Variants in ADAT1 observed in about 807,000 individuals in gnomAD.
ADAT1 encodes adenosine deaminase tRNA specific 1.
ADAT1 carries 58 observed loss-of-function variants against 58.6 expected under a neutral mutation model. The ratio of observed to expected loss-of-function variants is 0.99; its 90% CI spans 0.80 to 1.23. ADAT1 has a LOEUF of 1.23. Among genes scored for constraint, ADAT1 ranks in the 50% most tolerant of loss-of-function variants. ADAT1 has a pLI of 0.00. For synonymous variants in ADAT1, 254 were observed against 220.8 expected (o/e 1.15, Z -1.33); for missense variants, 741 against 608.6 (o/e 1.22, Z -2.29).
In ADAT1 at chr16:75,618,635, T is replaced by G. The variant is rs1209974401; in HGVS notation, c.244A>C (p.Ile82Leu). 2 of 1,612,730 alleles carry G rather than the reference T, an allele frequency of 1.2e-6. No homozygotes were observed. Among genetic ancestry groups the G allele is most frequent in the African/African-American group, 2.7e-5 (2 of 74,788 alleles). ...ACCTCAGCATGGCTATCATTGAGGA[T>G]GTCTCCTGCGGCAAAGATAGGACAC... ...GQSKMRKNGDILNDSHAEVIA... is the reference protein window; with the variant it reads ...GQSKMRKNGDLLNDSHAEVIA... The change falls in exon 4 of 10, where the codon ATC (isoleucine) becomes CTC (leucine). Residue 82 changes from isoleucine to leucine, a missense_variant. Physicochemically the swap from Ile to Leu is conservative, Grantham distance 5. Coordinates refer to ENST00000564657, the MANE Select transcript of ADAT1 (RefSeq NM_001324445.2).
intron 4 of ADAT1, 150 bp from the exon 5 acceptor site, chr16:75,617,422 T>C: frequency 1.2e-6 from 1 of 835,496 alleles, no homozygotes; most frequent in South Asian, 2.3e-5. Flanking sequence ...CCAGTGATTC[T>C]CAAAGTGTGG....
rs1193052411 is a variant in ADAT1, at chr16:75,600,259, C to A, written c.1466G>T (p.Gly489Val). 6.2e-7 allele frequency: 1 copy of A among 1,614,058 alleles called. No homozygotes were observed. Among genetic ancestry groups the A allele is most frequent in the Non-Finnish European group, 8.5e-7 (1 of 1,180,032 alleles). ...ATCCGGTGGGTTTCTGATCCAGGATCCAAACACCTGCTTCCGGAGTGTGCT... is the reference window on the plus strand; with the variant it reads ...ATCCGGTGGGTTTCTGATCCAGGATACAAACACCTGCTTCCGGAGTGTGCT... Reference protein sequence around the residue: ...AWSTLRKQVFGSWIRNPPDYH... With the variant: ...AWSTLRKQVFVSWIRNPPDYH... Residue 489 changes from glycine (G) to valine (V), a missense_variant, in exon 10 of 10, where the codon GGA becomes GTA. Coordinates refer to ENST00000564657, the MANE Select transcript of ADAT1 (RefSeq NM_001324445.2).
In ADAT1 at chr16:75,612,716, G is replaced by C; in HGVS notation, c.570C>G (p.Asp190Glu). The C allele has an allele frequency of 1.2e-6, 2 of 1,614,110 alleles. No individual in the cohort carries two copies. The highest frequency in any genetic ancestry group is 1.3e-5 in the African/African-American group (1 of 75,012). The change falls in exon 6 of 10, where the codon GAC (aspartate) becomes GAG (glutamate). Residue 190 changes from aspartate to glutamate, a missense_variant. Transcript: ENST00000564657. ...PGNERKCEDPDSPVTKKMRLE... is the reference protein window; with the variant it reads ...PGNERKCEDPESPVTKKMRLE... ...GCCTCATCTTTTTGGTTACAGGACT[G>C]TCAGGGTCTTCACATTTTCTTTCAT...
intron 3 of ADAT1, among the ~76,000 whole-genome samples, chr16:75,619,293 CAGG>C (rs1281394037): frequency 6.6e-6 from 1 of 151,458 alleles, no homozygotes; most frequent in Admixed American, 6.6e-5. Flanking sequence ...GAGGCCAAGG[CAGG>C]AGGATAGCTT....
chr16:75,609,182 T>C (rs1192961242), intron 6 of ADAT1, among the ~76,000 whole-genome samples, 194 bp from the exon 7 acceptor site: 1 of 152,176 alleles, frequency 6.6e-6, no homozygotes, highest in Admixed American at 6.5e-5. Flanking sequence ...TCTCCCTCAA[T>C]CTGCAGGGAT....
intron 7 of ADAT1, 67 bp from the exon 8 acceptor site, chr16:75,608,390 T>G: frequency 7.4e-7 from 1 of 1,355,562 alleles, no homozygotes; most frequent in Non-Finnish European, 1.1e-6. Context: ...AGTATTTTAA[T>G]AAAAATATTT....
chr16:75,602,663 T>C (rs1255067457), intron 9 of ADAT1, among the ~76,000 whole-genome samples: 2 of 152,246 alleles, frequency 1.3e-5, no homozygotes, highest in Admixed American at 6.5e-5. Context: ...CATCTACCTG[T>C]TCCCAAGAGT....
At position 75,599,670 on chromosome 16, in the gene ADAT1, C is replaced by G; in HGVS notation, c.*546G>C. On this transcript the variant is annotated 3_prime_UTR_variant, in exon 10 of 10. Coordinates refer to ENST00000564657, the MANE Select transcript of ADAT1 (RefSeq NM_001324445.2). The stretch of plus-strand genomic sequence containing the variant: ...GATACCTCTGAGAACAAGTCCAGGG[C>G]AGTCCAGGGCTGGCTCACAGGCTAT... The G allele has an allele frequency of 1.0e-6, 1 of 986,398 alleles. No homozygotes were observed. The highest frequency in any genetic ancestry group is 1.2e-6 in the Non-Finnish European group (1 of 830,432). The allele number at this position is 986,398 out of a possible 1,614,324, so 61.1% of individuals were successfully genotyped here.
At chr16:75,617,048 A>G (rs1352262100) in intron 5 of ADAT1, 94 bp downstream of exon 5, 12 of 1,480,156 alleles carry the variant, frequency 8.1e-6, no homozygotes, top group Non-Finnish European at 7.3e-6. Flanking sequence ...TACTTCAGCC[A>G]TTAGTGCTTT....
At position 75,612,283 on chromosome 16, in the gene ADAT1, G is replaced by A; in HGVS notation, c.1003C>T (p.Pro335Ser). Residue 335 changes from proline (P) to serine (S), a missense_variant, in exon 6 of 10, where the codon CCA (proline) becomes TCA (serine). By Grantham distance (74) the Pro-to-Ser change is moderately conservative (BLOSUM62 -1). Coordinates refer to ENST00000564657, the MANE Select transcript of ADAT1 (RefSeq NM_001324445.2). ...YLSAVVIGKC[P>S]YSQEAMQRAL... ...CTCTGCATGGCTTCCTGGCTGTATG[G>A]GCACTTCCCAATGACCACAGCTGAC... 1 of 1,614,086 alleles carries A rather than the reference G, an allele frequency of 6.2e-7. No homozygotes were observed. The highest frequency in any genetic ancestry group is 8.5e-7 in the Non-Finnish European group (1 of 1,180,010).
chr16:75,618,377 G>A (rs909484165), intron 4 of ADAT1, among the ~76,000 whole-genome samples: 3 of 151,720 alleles, frequency 2.0e-5, no homozygotes, highest in Admixed American at 6.6e-5. Context: ...ATGGTGGCAC[G>A]GGCCTGTAGT....
chr16:75,609,502 T>TA (rs927505099), intron 6 of ADAT1, among the ~76,000 whole-genome samples: 33 of 151,132 alleles, frequency 2.2e-4, no homozygotes, highest in Admixed American at 7.9e-4. Flanking sequence ...TTGGCTTTTT[T>TA]AAAAAAAAAC....
At chr16:75,619,606 G>T (rs750619799) in intron 3 of ADAT1, 1 of 455,224 alleles carries the variant, frequency 2.2e-6, no homozygotes, top group Non-Finnish European at 4.4e-6. Context: ...GAGGCCCAAA[G>T]CTTCCTGTCA....
At chr16:75,606,245 G>A (rs1052678713) in intron 8 of ADAT1, among the ~76,000 whole-genome samples, 2 of 152,146 alleles carry the variant, frequency 1.3e-5, no homozygotes, top group African/African-American at 4.8e-5. Flanking sequence ...AATTGCAACA[G>A]TAATAACCAG....
chr16:75,608,726 C>T, intron 7 of ADAT1, 117 bp downstream of exon 7: 2 of 1,294,814 alleles, frequency 1.5e-6, no homozygotes, highest in South Asian at 1.5e-5. Context: ...AAAGCCCACA[C>T]TACCGGCCAC....
chr16:75,608,213 A>G lies in ADAT1; in HGVS notation c.1289+11T>C, dbSNP rs1174248227. 1.2e-6 allele frequency: 2 copies of G among 1,612,224 alleles called. No homozygotes were observed. Among genetic ancestry groups the G allele is most frequent in the African/African-American group, 2.7e-5 (2 of 74,886 alleles). On this transcript the variant is annotated intron_variant, in intron 8 of 9. Transcript: ENST00000564657. Reference sequence around the variant, plus strand: ...ACAGCCACCATCTCCTCCTGCCCCAATATGCTGTACCTTGCCTGAAGGCTT... The same window carrying G: ...ACAGCCACCATCTCCTCCTGCCCCAGTATGCTGTACCTTGCCTGAAGGCTT...
rs572214793 is a variant in ADAT1 at position 75,599,228 on chromosome 16, T to C, written c.*988A>G. ...TCCCGAGTAGCTAGGATTACAGGTG[T>C]GCGCCACCATGCCCGGCTAGTTTTT... On this transcript the variant is annotated 3_prime_UTR_variant, in exon 10 of 10. Transcript: ENST00000564657. 7 of 821,150 alleles carry C rather than the reference T, an allele frequency of 8.5e-6. No individual in the cohort carries two copies. The South Asian group carries it at 3.4e-4, about 39-fold the overall frequency. 50.9% of individuals were successfully genotyped at this position (821,150 alleles called of 1,614,324 possible). A position where few individuals can be genotyped will look rare whatever the true frequency, so the allele number is the denominator to read the frequency against.
chr16:75,615,392 A>G (rs2151772127), intron 5 of ADAT1, among the ~76,000 whole-genome samples: 1 of 140,254 alleles, frequency 7.1e-6, no homozygotes, highest in Non-Finnish European at 1.5e-5. Context: ...AGTGTCCAGT[A>G]TTTTGGCTTC....
Position 75,620,252 on chromosome 16 carries a change from C to G in ADAT1, c.238+14G>C, listed in dbSNP as rs1301557692. On this transcript the variant is annotated intron_variant, in intron 3 of 9. Transcript: ENST00000564657. The stretch of plus-strand genomic sequence containing the variant: ...TCAAGCTAAATCTTTGTTTAGATTC[C>G]CACCCGTGCTTACCGTTCTTCCTCA... 6.2e-7 allele frequency: 1 copy of G among 1,613,568 alleles called. No individual in the cohort carries two copies. Among genetic ancestry groups the G allele is most frequent in the Non-Finnish European group, 8.5e-7 (1 of 1,179,534 alleles).
Sources: allele counts gnomAD v4.1 joint callset (sites outside exome capture counted in the v4.1 genomes callset), GRCh38; gene constraint gnomAD v4.1.1; transcripts MANE v1.5; gene names NCBI Gene and HGNC (gene_info 2026-07-23, HGNC 2026-07-21).